GJC3: variants seen among roughly 807,000 people sequenced by gnomAD.
GJC3 encodes gap junction gamma-3 protein.
Under a neutral mutation model 19.8 loss-of-function variants are expected in GJC3, and 17 were observed. That is an observed-to-expected ratio of 0.86 (90% CI 0.59 to 1.29). GJC3 has a LOEUF of 1.29. Among genes scored for constraint, GJC3 ranks in the 50% most tolerant of loss-of-function variants. GJC3 has a pLI of 0.00. For synonymous variants in GJC3, 140 were observed against 136.5 expected (o/e 1.03, Z -0.18); for missense variants, 317 against 332.5 (o/e 0.95, Z 0.36).
upstream of GJC3, among the ~76,000 whole-genome samples, chr7:99,930,682 A>G (rs911877968): frequency 2.0e-5 from 3 of 152,204 alleles, no homozygotes; most frequent in East Asian, 1.9e-4. Context: ...CAAGATGCAT[A>G]TGCTAGAACC....
intron 1 of GJC3, 34 bp from the exon 2 acceptor site, chr7:99,923,637 A>G (rs749475550): frequency 1.3e-6 from 1 of 779,524 alleles, no homozygotes; most frequent in South Asian, 1.3e-5. Flanking sequence ...TGTAACAGTT[A>G]CAAGTGTGTA....
At chr7:99,923,657 C>A (rs1269816535) in intron 1 of GJC3, 54 bp from the exon 2 acceptor site, 2 of 770,394 alleles carry the variant, frequency 2.6e-6, no homozygotes, top group African/African-American at 3.4e-5. Flanking sequence ...AACTTTTTCA[C>A]AGTGCGTACC....
intron 1 of GJC3, 76 bp from the exon 2 acceptor site, chr7:99,923,679 G>A: frequency 1.3e-6 from 1 of 749,112 alleles, no homozygotes; most frequent in South Asian, 1.4e-5. Flanking sequence ...AAAACCCAAG[G>A]ACCCTGGGTT....
At position 99,929,265 on chromosome 7, in the gene GJC3, C is replaced by A; in HGVS notation, c.356G>T (p.Arg119Leu). 1.2e-6 allele frequency: 2 copies of A among 1,614,184 alleles called. No individual in the cohort carries two copies. Among genetic ancestry groups the A allele is most frequent in the Non-Finnish European group, 1.7e-6 (2 of 1,180,032 alleles). Residue 119 changes from arginine to leucine, a missense_variant, in exon 1 of 2, where the codon CGG becomes CTG. Arg to Leu is a moderately radical substitution (Grantham distance 102). Transcript: ENST00000312891. The stretch of plus-strand genomic sequence containing the variant: ...CCCTGGGACATCTGTGTTGCCCTCC[C>A]GTCCCTGGATCAGGGTCTCCTCCTC... ...GKEEETLIQG[R>L]EGNTDVPGAG...
At chr7:99,926,500 A>G (rs1471598276) in intron 1 of GJC3, among the ~76,000 whole-genome samples, 1 of 152,218 alleles carries the variant, frequency 6.6e-6, no homozygotes, top group East Asian at 1.9e-4. Flanking sequence ...ACACTCAACC[A>G]TATAAAGGAA....
At chr7:99,926,663 G>A (rs1242877519) in intron 1 of GJC3, among the ~76,000 whole-genome samples, 1 of 152,162 alleles carries the variant, frequency 6.6e-6, no homozygotes, top group Non-Finnish European at 1.5e-5. Context: ...TGCATGTTTT[G>A]GGTGCTAATA....
chr7:99,928,737 A>G (rs761537430), intron 1 of GJC3, 103 bp downstream of exon 1: 2 of 1,092,466 alleles, frequency 1.8e-6, no homozygotes, highest in South Asian at 1.3e-5. Context: ...CCTACTTTGT[A>G]ACATGCAGAA....
chr7:99,927,193 C>T (rs138948214), intron 1 of GJC3, among the ~76,000 whole-genome samples: 11 of 152,308 alleles, frequency 7.2e-5, no homozygotes, highest in African/African-American at 2.6e-4. Flanking sequence ...GCCTCTGGTC[C>T]TTGTGTTACT....
intron 1 of GJC3, among the ~76,000 whole-genome samples, chr7:99,925,450 A>G (rs1411814342): frequency 6.6e-6 from 1 of 152,224 alleles, no homozygotes; most frequent in East Asian, 1.9e-4. Flanking sequence ...TTATGGAAAC[A>G]TAGGCATTAA....
At chr7:99,925,028 TAGG>T (rs56677764) in intron 1 of GJC3, among the ~76,000 whole-genome samples, 5,005 of 152,270 alleles carry the variant, frequency 0.033, 131 homozygotes, top group Non-Finnish European at 0.051. Flanking sequence ...GGAAGGGTAG[TAGG>T]GGGAAAGTGG....
At position 99,929,296 on chromosome 7, in the gene GJC3, C is replaced by G; in HGVS notation, c.325G>C (p.Gly109Arg). The G allele has an allele frequency of 1.2e-6, 2 of 1,614,178 alleles. No individual in the cohort carries two copies. The highest frequency in any genetic ancestry group is 1.6e-4 in the Middle Eastern group (1 of 6,062). ...TGGATCAGGGTCTCCTCCTCCTTCC[C>G]CTTTCCTGATAATTCCCAGTGCCAG... ...VIWHWELSGK[G>R]KEEETLIQGR... The change falls in exon 1 of 2, where the codon GGG (glycine) becomes CGG (arginine). Residue 109 changes from glycine (G) to arginine (R), a missense_variant. Gly to Arg is a moderately radical substitution (Grantham distance 125). Transcript: ENST00000312891.
Position 99,929,375 on chromosome 7 carries a change from G to C in GJC3, c.246C>G (p.Ile82Met). The change falls in exon 1 of 2, where the codon ATC (isoleucine) becomes ATG (methionine). Residue 82 changes from isoleucine (I) to methionine (M), a missense_variant. Coordinates refer to ENST00000312891, the MANE Select transcript of GJC3 (RefSeq NM_181538.3). ...SPLRFWVFQV[I>M]LVAVPSALYM... is the part of the protein sequence containing the mutation. ...AGAGGGCGCTGGGTACAGCCACCAA[G>C]ATGACCTGGAAGACCCAGAAACGCA... 8.7e-6 allele frequency: 14 copies of C among 1,614,230 alleles called. No individual in the cohort carries two copies. The highest frequency in any genetic ancestry group is 1.1e-5 in the Non-Finnish European group (13 of 1,180,050).
At position 99,929,613 on chromosome 7, in the gene GJC3, C is replaced by T. The variant is rs1370467304; in HGVS notation, c.8G>A (p.Gly3Asp). The T allele has an allele frequency of 6.2e-7, 1 of 1,606,026 alleles. No individual in the cohort carries two copies. Among genetic ancestry groups the T allele is most frequent in the East Asian group, 2.2e-5 (1 of 44,804 alleles). Residue 3 changes from glycine to aspartate, a missense_variant, in exon 1 of 2, where the codon GGC (glycine) becomes GAC (aspartate). Coordinates refer to ENST00000312891, the MANE Select transcript of GJC3 (RefSeq NM_181538.3). MC[G>D]RFLRRLLAEE... Reference sequence around the variant, plus strand: ...CGCCAGCAGCCGCCGCAGGAACCTGCCACACATCCTGTTTTGGAGCAGAGG... The same window carrying T: ...CGCCAGCAGCCGCCGCAGGAACCTGTCACACATCCTGTTTTGGAGCAGAGG...
At chr7:99,928,281 G>A (rs561015821) in intron 1 of GJC3, among the ~76,000 whole-genome samples, 1 of 152,316 alleles carries the variant, frequency 6.6e-6, no homozygotes, top group South Asian at 2.1e-4. Context: ...GGCTTCTCCC[G>A]GCTGACTCTT....
chr7:99,925,999 G>GGTTGC (rs1819791646), intron 1 of GJC3, among the ~76,000 whole-genome samples: 1 of 152,192 alleles, frequency 6.6e-6, no homozygotes, highest in African/African-American at 2.4e-5. Flanking sequence ...TTCTATTCCT[G>GGTTGC]GTTATTTATG....
chr7:99,926,333 CAA>C (rs544473016), intron 1 of GJC3, among the ~76,000 whole-genome samples: 18 of 97,176 alleles, frequency 1.9e-4, no homozygotes, highest in South Asian at 3.3e-4. Context: ...GACTCCATCC[CAA>C]AAAAAAAAAA....
chr7:99,925,548 A>T (rs1819776571), intron 1 of GJC3, among the ~76,000 whole-genome samples: 1 of 152,230 alleles, frequency 6.6e-6, no homozygotes, highest in African/African-American at 2.4e-5. Context: ...GTTAGACTTC[A>T]TTAAAATTTA....
At chr7:99,929,962 G>A (rs1819872956), upstream of GJC3, among the ~76,000 whole-genome samples, 1 of 152,142 alleles carries the variant, frequency 6.6e-6, no homozygotes, top group Non-Finnish European at 1.5e-5. Context: ...TTTCCCAAAG[G>A]CTGAACGTAA....
At chr7:99,925,841 A>G (rs182413911) in intron 1 of GJC3, among the ~76,000 whole-genome samples, 1 of 152,378 alleles carries the variant, frequency 6.6e-6, no homozygotes, top group African/African-American at 2.4e-5. Context: ...ATACCACTTC[A>G]CACCCACTAG....
Sources: gnomAD v4.1 joint callset for allele counts (sites outside exome capture counted in the v4.1 genomes callset) on GRCh38, gnomAD v4.1.1 for gene constraint, MANE v1.5 for transcripts, NCBI Gene and HGNC (gene_info 2026-07-23, HGNC 2026-07-21) for gene names.